The following PTPN2 variants were observed in gnomAD, a reference collection of about 807,000 sequenced individuals.
PTPN2 encodes the protein tyrosine-protein phosphatase non-receptor type 2.
In PTPN2, 19 loss-of-function variants were observed where a neutral mutation model predicts 57.3. That is an observed-to-expected ratio of 0.33 (90% confidence interval 0.23 to 0.49). PTPN2 has a LOEUF of 0.49. PTPN2 is among the 20% of genes least tolerant of loss of function. PTPN2 has a pLI of 0.99. For synonymous variants in PTPN2, 153 were observed against 164.9 expected, an observed-to-expected ratio of 0.93 and a Z score of 0.55; for missense variants, 358 against 501.1, an observed-to-expected ratio of 0.71 and a Z score of 2.73.
chr18:12,854,493 C>G (rs190146404), intron 2 of PTPN2, among the ~76,000 whole-genome samples: 1 of 151,814 alleles, frequency 6.6e-6, no homozygotes, highest in East Asian at 1.9e-4. Flanking sequence ...ATAACGGCAC[C>G]ACTTATAAAC....
chr18:12,822,202 G>A (rs1212195830), intron 5 of PTPN2, among the ~76,000 whole-genome samples: 1 of 151,784 alleles, frequency 6.6e-6, no homozygotes, highest in Non-Finnish European at 1.5e-5. Flanking sequence ...AGAATAAACT[G>A]TTTAAACTAT....
At chr18:12,818,385 A>C (rs1341767451) in intron 5 of PTPN2, among the ~76,000 whole-genome samples, 1 of 152,164 alleles carries the variant, frequency 6.6e-6, no homozygotes, top group Admixed American at 6.5e-5. Context: ...TCCAATCCTA[A>C]AGCTGTTTAT....
chr18:12,843,744 C>T (rs2043125979), intron 2 of PTPN2, among the ~76,000 whole-genome samples: 2 of 152,210 alleles, frequency 1.3e-5, no homozygotes, highest in African/African-American at 4.8e-5. Flanking sequence ...CTGTCCAGGG[C>T]CTAGTTCCAG....
downstream of PTPN2, among the ~76,000 whole-genome samples, chr18:12,790,393 T>A (rs573527976): frequency 6.6e-6 from 1 of 152,320 alleles, no homozygotes; most frequent in African/African-American, 2.4e-5. Context: ...GAACTAGATA[T>A]GTAATCTAGT....
chr18:12,812,214 A>G (rs1004017586), intron 7 of PTPN2, among the ~76,000 whole-genome samples: 5 of 152,218 alleles, frequency 3.3e-5, no homozygotes, highest in Non-Finnish European at 7.3e-5. Flanking sequence ...CAAATAGCCT[A>G]TATGTCTATA....
chr18:12,860,470 A>C (rs2043763129), intron 1 of PTPN2, among the ~76,000 whole-genome samples: 1 of 129,788 alleles, frequency 7.7e-6, no homozygotes, highest in South Asian at 2.5e-4. Flanking sequence ...GATGGCAGGC[A>C]CCTGTAATCC....
At chr18:12,832,529 G>A (rs1351213592) in intron 3 of PTPN2, among the ~76,000 whole-genome samples, 1 of 152,208 alleles carries the variant, frequency 6.6e-6, no homozygotes, top group Non-Finnish European at 1.5e-5. Flanking sequence ...GAAGTCTACT[G>A]AGGATCCTGA....
chr18:12,793,269 C>T lies in PTPN2; in HGVS notation c.*1009G>A, dbSNP rs79602479. On this transcript the variant is annotated 3_prime_UTR_variant, in exon 9 of 9. Transcript: ENST00000309660. ...AATGTAAGGTTTGCATATAATCATA[C>T]TATTTATTGAAGTAGAAAGAAACTG... 2,618 of 973,166 alleles carry T rather than the reference C, an allele frequency of 2.7e-3. 65 individuals are homozygous for T. The African/African-American group carries it at 0.043, about 16-fold the overall frequency. 60.3% of individuals were successfully genotyped at this position (973,166 alleles called of 1,614,324 possible). A position where few individuals can be genotyped will look rare whatever the true frequency, so the allele number is the denominator to read the frequency against.
At chr18:12,849,600 T>G (rs1263322502) in intron 2 of PTPN2, among the ~76,000 whole-genome samples, 1 of 152,124 alleles carries the variant, frequency 6.6e-6, no homozygotes, top group Non-Finnish European at 1.5e-5. Context: ...TATTCTAATG[T>G]TAGCTACCCT....
At position 12,801,988 on chromosome 18, in the gene PTPN2, A is replaced by ATTG; in HGVS notation, c.1019_1021dup (p.Thr340dup). 2 of 1,608,154 alleles carry ATTG rather than the reference A, an allele frequency of 1.2e-6. No homozygotes were observed. Among genetic ancestry groups the ATTG allele is most frequent in the East Asian group, 2.2e-5 (1 of 44,670 alleles). On this transcript the variant is annotated inframe_insertion, in exon 8 of 9. Transcript: ENST00000309660. ...AGCTTACCTCTCACTGTTCTCCTCC[A>ATTG]TTGTATCTTGCATTTTAGAGGAAAG...
chr18:12,825,973 T>A, intron 4 of PTPN2, 29 bp from the exon 5 acceptor site: 2 of 1,551,784 alleles, frequency 1.3e-6, no homozygotes, highest in Non-Finnish European at 1.8e-6. Flanking sequence ...ATATGATTTT[T>A]TTTTAGTTTA....
chr18:12,814,233 T>G lies in PTPN2; in HGVS notation c.828A>C (p.Ala276=), dbSNP rs774684384. ...TACTAGAATCTCCCTTTATACATTTTGCTCCTTCTATTATAGCCATGTATG... is the reference window on the plus strand; with the variant it reads ...TACTAGAATCTCCCTTTATACATTTGGCTCCTTCTATTATAGCCATGTATG... The part of the protein sequence containing the change: ...RFSYMAIIEG[A]KCIKGDSSIQ... Residue 276 remains alanine, a synonymous_variant, in exon 7 of 9, where the codon GCA becomes GCC. Coordinates refer to ENST00000309660, the MANE Select transcript of PTPN2 (RefSeq NM_002828.4). The G allele has an allele frequency of 1.2e-6, 2 of 1,600,632 alleles. No individual in the cohort carries two copies. The highest frequency in any genetic ancestry group is 1.7e-6 in the Non-Finnish European group (2 of 1,171,044).
intron 4 of PTPN2, among the ~76,000 whole-genome samples, chr18:12,830,581 T>C (rs1029333555): frequency 2.0e-5 from 3 of 152,124 alleles, no homozygotes; most frequent in African/African-American, 7.2e-5. Flanking sequence ...CCAGCAATTA[T>C]GAAATGTAGA....
downstream of PTPN2, among the ~76,000 whole-genome samples, chr18:12,791,022 C>T (rs2040971294): frequency 6.6e-6 from 1 of 152,156 alleles, no homozygotes; most frequent in Admixed American, 6.5e-5. Flanking sequence ...TTACATGTTA[C>T]TTTTCTTAAC....
At chr18:12,873,900 G>A (rs1203233069) in intron 1 of PTPN2, among the ~76,000 whole-genome samples, 4 of 151,458 alleles carry the variant, frequency 2.6e-5, no homozygotes, top group Admixed American at 6.6e-5. Context: ...TTGCCCCGCC[G>A]CCCCGTCTGG....
rs558682754 is a variant in PTPN2 at position 12,876,211 on chromosome 18, G to A, written c.69+7862C>T. On this transcript the variant is annotated intron_variant, in intron 1 of 8. Coordinates refer to ENST00000309660, the MANE Select transcript of PTPN2 (RefSeq NM_002828.4). ...CATGGTGGCTCATGCCTGTAATCTC[G>A]CCACTTCGGGAAGCCAAGGTGAGCA... is the stretch of plus-strand genomic sequence containing the variant. Among the ~76,000 whole-genome samples the A allele has an allele frequency of 6.6e-5, 10 of 151,588 alleles. No individual in the cohort carries two copies. In the East Asian group the frequency reaches 1.8e-3, roughly 27 times the overall value.
intron 7 of PTPN2, 75 bp from the exon 8 acceptor site, chr18:12,802,226 A>G (rs2041458913): frequency 8.6e-7 from 1 of 1,166,934 alleles, no homozygotes; most frequent in Non-Finnish European, 1.2e-6. Flanking sequence ...AAATTTATGA[A>G]TTAAAATCCT....
At chr18:12,809,496 G>A (rs1305513657) in intron 7 of PTPN2, among the ~76,000 whole-genome samples, 1 of 152,192 alleles carries the variant, frequency 6.6e-6, no homozygotes, top group African/African-American at 2.4e-5. Context: ...CTATGTATCT[G>A]CCAGTGGCAA....
At chr18:12,847,454 C>T (rs763463205) in intron 2 of PTPN2, among the ~76,000 whole-genome samples, 4 of 152,152 alleles carry the variant, frequency 2.6e-5, no homozygotes, top group Non-Finnish European at 5.9e-5. Flanking sequence ...AGCTATCATG[C>T]TGCTCTGTTT....
Sources: gnomAD v4.1 joint callset for allele counts (sites outside exome capture counted in the v4.1 genomes callset) on GRCh38, gnomAD v4.1.1 for gene constraint, MANE v1.5 for transcripts, NCBI Gene and HGNC (gene_info 2026-07-23, HGNC 2026-07-21) for gene names.